The following STK39 variants were observed in gnomAD, a reference collection of about 807,000 sequenced individuals.
The protein encoded by STK39 is serine/threonine kinase 39, also known as STE20/SPS1-related proline-alanine-rich protein kinase.
Under a neutral mutation model 77.8 loss-of-function variants are expected in STK39, and 20 were observed. The observed-to-expected ratio is 0.26, with a 90% confidence interval of 0.18 to 0.37. The LOEUF (loss-of-function observed/expected upper bound fraction) is 0.37. Among genes scored for constraint, STK39 ranks in the 10% least tolerant of loss-of-function variants. The pLI, the probability that STK39 is intolerant of heterozygous loss-of-function variation, is 1.00. For missense variants in STK39, 479 were observed against 656.5 expected (o/e 0.73, Z 2.95); for synonymous variants, 246 against 234.1 (o/e 1.05, Z -0.47).
At chr2:168,161,735 A>G (rs1688577776) in intron 5 of STK39, 52 bp downstream of exon 5, 2 of 1,305,206 alleles carry the variant, frequency 1.5e-6, no homozygotes, top group East Asian at 4.7e-5. Flanking sequence ...ATTCCTTGAA[A>G]CTGTAACACT....
chr2:168,087,324 T>C (rs1290834609), intron 10 of STK39, among the ~76,000 whole-genome samples: 2 of 152,202 alleles, frequency 1.3e-5, no homozygotes, highest in Non-Finnish European at 1.5e-5. Context: ...AGAAACACAC[T>C]GCGATGGTCA....
intron 16 of STK39, among the ~76,000 whole-genome samples, chr2:167,977,397 C>G (rs1181296193): frequency 6.6e-6 from 1 of 152,094 alleles, no homozygotes; most frequent in Non-Finnish European, 1.5e-5. Flanking sequence ...CCTCATTTAG[C>G]TTACAGAGGT....
chr2:168,001,654 A>C (rs1230236627), intron 16 of STK39, among the ~76,000 whole-genome samples: 1 of 152,186 alleles, frequency 6.6e-6, no homozygotes, highest in African/African-American at 2.4e-5. Context: ...CTTAACTTTC[A>C]AATTTTTTTG....
intron 13 of STK39, 151 bp from the exon 14 acceptor site, chr2:168,063,721 C>T: frequency 1.6e-6 from 1 of 626,060 alleles, no homozygotes; most frequent in Non-Finnish European, 2.8e-6. Context: ...CATCGTAACA[C>T]CTCCATGTAA....
rs923079722 is a variant in STK39, at chr2:168,016,429, T to C, written c.1429+614A>G. Among the ~76,000 whole-genome samples the C allele has an allele frequency of 2.3e-5, 3 of 129,724 alleles. No homozygotes were observed. In the Admixed American group the frequency reaches 2.4e-4, roughly 10 times the overall value. 85.1% of individuals were successfully genotyped at this position (129,724 alleles called of 152,430 possible). On this transcript the variant is annotated intron_variant, in intron 15 of 17. Coordinates refer to ENST00000355999, the MANE Select transcript of STK39 (RefSeq NM_013233.3). The stretch of plus-strand genomic sequence containing the variant: ...AAAAAAAAAACAACACTACTGAACA[T>C]GGGTGAAATAAGATAGGAAATCCTC...
intron 10 of STK39, among the ~76,000 whole-genome samples, chr2:168,110,987 A>G (rs1687107214): frequency 6.6e-6 from 1 of 152,046 alleles, no homozygotes; most frequent in Non-Finnish European, 1.5e-5. Context: ...ATTCTTATAT[A>G]CCTTTTGTTA....
At chr2:168,233,074 TTACTA>T (rs1690501520) in intron 1 of STK39, among the ~76,000 whole-genome samples, 1 of 152,180 alleles carries the variant, frequency 6.6e-6, no homozygotes, top group African/African-American at 2.4e-5. Context: ...GGTATTTACT[TTACTA>T]AACACTCTAG....
intron 8 of STK39, among the ~76,000 whole-genome samples, 167 bp from the exon 9 acceptor site, chr2:168,129,925 T>C (rs1687636641): frequency 6.6e-6 from 1 of 152,154 alleles, no homozygotes; most frequent in Non-Finnish European, 1.5e-5. Context: ...ATAGTGCCAA[T>C]TTTCCAGTTC....
rs1030436330 is a variant in STK39, at chr2:168,181,984, T to C, written c.315A>G (p.Glu105=). The C allele has an allele frequency of 6.2e-7, 1 of 1,613,570 alleles. No homozygotes were observed. Among genetic ancestry groups the C allele is most frequent in the African/African-American group, 1.3e-5 (1 of 74,914 alleles). The change falls in exon 2 of 18, where the codon GAA becomes GAG. Residue 105 remains glutamate (E), a synonymous_variant. Transcript: ENST00000355999. The part of the protein sequence containing the change: ...NLEKCQTSMD[E]LLKEIQAMSQ... ...TCCCTGCACTGTTACTTACTAATAG[T>C]TCATCCATACTGGTCTGGCATTTTT... is the stretch of plus-strand genomic sequence containing the variant.
chr2:168,006,602 T>G (rs1469099840), intron 16 of STK39, among the ~76,000 whole-genome samples: 1 of 152,190 alleles, frequency 6.6e-6, no homozygotes, highest in African/African-American at 2.4e-5. Context: ...TCTTTCCATT[T>G]GTCAGCCAAC....
chr2:168,078,741 CAAAAAAA>C (rs56865790), intron 10 of STK39, among the ~76,000 whole-genome samples: 5 of 86,418 alleles, frequency 5.8e-5, no homozygotes, highest in Admixed American at 4.4e-4. Context: ...TCCATCTGTC[CAAAAAAA>C]AAAAAAAAAA....
chr2:168,156,128 G>A (rs566786026), intron 5 of STK39, among the ~76,000 whole-genome samples: 31 of 152,320 alleles, frequency 2.0e-4, no homozygotes, highest in African/African-American at 7.2e-4. Context: ...ACCAGGGTGA[G>A]GGGCTTAACC....
intron 10 of STK39, among the ~76,000 whole-genome samples, chr2:168,096,503 T>C (rs1251852959): frequency 6.6e-6 from 1 of 152,204 alleles, no homozygotes; most frequent in East Asian, 1.9e-4. Flanking sequence ...TGATTTGTAC[T>C]GAATTCTACC....
chr2:167,990,931 A>G (rs539704148), intron 16 of STK39, among the ~76,000 whole-genome samples: 1 of 152,308 alleles, frequency 6.6e-6, no homozygotes, highest in East Asian at 1.9e-4. Context: ...AGGCATTACT[A>G]GCCACAGTGC....
At chr2:168,221,060 G>C (rs1288406316) in intron 1 of STK39, among the ~76,000 whole-genome samples, 1 of 152,098 alleles carries the variant, frequency 6.6e-6, no homozygotes, top group African/African-American at 2.4e-5. Context: ...TGAACTGCTG[G>C]TGATTTCAGA....
intron 10 of STK39, among the ~76,000 whole-genome samples, chr2:168,114,604 C>T (rs1813140): frequency 0.96 from 145,644 of 152,252 alleles, 69,821 homozygotes; most frequent in East Asian, 1. Context: ...CAAGGTTATA[C>T]GTTCTTTTTA....
intron 5 of STK39, among the ~76,000 whole-genome samples, chr2:168,151,704 A>G (rs962813800): frequency 1.3e-5 from 2 of 148,892 alleles, no homozygotes; most frequent in African/African-American, 5.0e-5. Flanking sequence ...ACGCCACTGC[A>G]CTCCAGCCTG....
At chr2:167,977,403 G>C (rs528964269) in intron 16 of STK39, among the ~76,000 whole-genome samples, 1 of 152,234 alleles carries the variant, frequency 6.6e-6, no homozygotes, top group Admixed American at 6.5e-5. Context: ...TTAGCTTACA[G>C]AGGTGATGTA....
chr2:168,245,864 G>A (rs185114324), intron 1 of STK39, among the ~76,000 whole-genome samples: 100 of 152,254 alleles, frequency 6.6e-4, no homozygotes, highest in African/African-American at 2.3e-3. Context: ...GGTTTTCAAA[G>A]AATTTTGTCT....
Sources: allele counts gnomAD v4.1 joint callset (sites outside exome capture counted in the v4.1 genomes callset), GRCh38; gene constraint gnomAD v4.1.1; transcripts MANE v1.5; gene names NCBI Gene and HGNC (gene_info 2026-07-23, HGNC 2026-07-21).